RNF213: variants seen among roughly 807,000 people sequenced by gnomAD.
RNF213 encodes ring finger protein 213.
RNF213 carries 341 observed loss-of-function variants against 514.4 expected under a neutral mutation model. That is an observed-to-expected ratio of 0.66 (90% CI 0.61 to 0.73). The LOEUF (loss-of-function observed/expected upper bound fraction) is 0.73. RNF213 is among the 30% of genes least tolerant of loss of function. RNF213 has a pLI of 0.00. For missense variants in RNF213, 5,767 were observed against 6,615.6 expected (o/e 0.87, Z 4.45); for synonymous variants, 2,655 against 2,658.2 (o/e 1.00, Z 0.04).
chr17:80,356,950 A>T (rs2078850512), intron 36 of RNF213, among the ~76,000 whole-genome samples: 1 of 144,500 alleles, frequency 6.9e-6, no homozygotes, highest in South Asian at 2.1e-4. Flanking sequence ...ACAGAGTCTC[A>T]CTCTCGTCCC....
intron 56 of RNF213, 101 bp downstream of exon 56, chr17:80,381,088 T>A: frequency 8.4e-7 from 1 of 1,192,892 alleles, no homozygotes; most frequent in Middle Eastern, 1.9e-4. Context: ...CATCTATGCG[T>A]TTTGGAGATA....
chr17:80,327,485 A>AG (rs2046309950), intron 18 of RNF213, among the ~76,000 whole-genome samples: 1 of 152,182 alleles, frequency 6.6e-6, no homozygotes, highest in Non-Finnish European at 1.5e-5. Context: ...TGTCAAAAAA[A>AG]AAAAAAAAAG....
chr17:80,295,695 A>G lies in RNF213; in HGVS notation c.1894A>G (p.Lys632Glu), dbSNP rs752579947. ...CCTGATTGTCCTTTTTGTAGTGGAA[A>G]AAATTGAGCTTTTATTAGAAGGCAG... ...TGLIVLFVVE[K>E]IELLLEGSLD... The change falls in exon 10 of 68, where the codon AAA becomes GAA. Residue 632 changes from lysine to glutamate, a missense_variant. Lys to Glu is a moderately conservative substitution (Grantham distance 56). This residue lies in a region of RNF213 where 592 missense variants were observed against 673.9 expected (regional missense o/e 0.88). Transcript: ENST00000582970. 1 of 1,614,220 alleles carries G rather than the reference A, an allele frequency of 6.2e-7. No individual in the cohort carries two copies. Among genetic ancestry groups the G allele is most frequent in the African/African-American group, 1.3e-5 (1 of 75,066 alleles).
At chr17:80,387,399 C>T (rs2080281063) in intron 63 of RNF213, among the ~76,000 whole-genome samples, 1 of 152,232 alleles carries the variant, frequency 6.6e-6, no homozygotes, top group African/African-American at 2.4e-5. Context: ...AGCCACTGCA[C>T]CCAGCTGATT....
In RNF213 at chr17:80,347,067, T is replaced by C; in HGVS notation, c.8732T>C (p.Ile2911Thr). The C allele has an allele frequency of 1.2e-6, 2 of 1,613,838 alleles. No homozygotes were observed. Among genetic ancestry groups the C allele is most frequent in the African/African-American group, 1.3e-5 (1 of 74,954 alleles). Residue 2911 changes from isoleucine (I) to threonine (T), a missense_variant, in exon 29 of 68, where the codon ATA (isoleucine) becomes ACA (threonine). By Grantham distance (89) the Ile-to-Thr change is moderately conservative. Coordinates refer to ENST00000582970, the MANE Select transcript of RNF213 (RefSeq NM_001256071.3). The surrounding 1 kb of genome is among the most constrained non-coding windows in gnomAD (Gnocchi z 7.2). ...GGCAGCCCCAACGAGACAGAGCTCATAGAGAGCGCCAAGGGCATCTGCTCC... is the reference window on the plus strand; with the variant it reads ...GGCAGCCCCAACGAGACAGAGCTCACAGAGAGCGCCAAGGGCATCTGCTCC... ...SRGSPNETEL[I>T]ESAKGICSSD...
intron 67 of RNF213, among the ~76,000 whole-genome samples, chr17:80,391,822 G>A (rs1599227008): frequency 7.8e-6 from 1 of 128,748 alleles, no homozygotes; most frequent in Admixed American, 9.3e-5. Flanking sequence ...CCAGGCTAGA[G>A]TGCAATGGTG....
At chr17:80,354,265 T>C (rs977305941) in intron 35 of RNF213, 99 bp downstream of exon 35, 2 of 1,515,962 alleles carry the variant, frequency 1.3e-6, no homozygotes, top group Non-Finnish European at 1.8e-6. Context: ...CCTCTCAGGT[T>C]TCCATGGCTC....
intron 41 of RNF213, 97 bp downstream of exon 41, chr17:80,363,887 C>T (rs571603715): frequency 1.6e-6 from 2 of 1,221,366 alleles, no homozygotes; most frequent in Non-Finnish European, 1.2e-6. Flanking sequence ...CGGGCAGGTG[C>T]TCCTGCCATG....
chr17:80,313,068 A>G lies in RNF213; in HGVS notation c.2712A>G (p.Gln904=). Residue 904 remains glutamine (Q), a synonymous_variant, in exon 15 of 68, where the codon CAA becomes CAG. Coordinates refer to ENST00000582970, the MANE Select transcript of RNF213 (RefSeq NM_001256071.3). ...TGNNSVQTVF[Q]GTLAATKRWL... Reference sequence around the variant, plus strand: ...ATAATTCAGTCCAAACAGTCTTCCAAGGGACCCTTGCTGCTACGAAAAGGT... The same window carrying G: ...ATAATTCAGTCCAAACAGTCTTCCAGGGGACCCTTGCTGCTACGAAAAGGT... 6 of 1,614,116 alleles carry G rather than the reference A, an allele frequency of 3.7e-6. No individual in the cohort carries two copies. Among genetic ancestry groups the G allele is most frequent in the South Asian group, 3.3e-5 (3 of 91,090 alleles).
intron 25 of RNF213, 74 bp from the exon 26 acceptor site, chr17:80,339,127 G>A (rs1166494967): frequency 6.2e-6 from 8 of 1,285,774 alleles, no homozygotes; most frequent in Non-Finnish European, 8.3e-6. Flanking sequence ...CGGTAGGCCT[G>A]TGTGCTGTTG....
intron 8 of RNF213, among the ~76,000 whole-genome samples, chr17:80,293,178 C>T (rs2044800862): frequency 6.6e-6 from 1 of 152,072 alleles, no homozygotes; most frequent in African/African-American, 2.4e-5. Context: ...CCCCTCAGCC[C>T]CCCCAAGTAG....
At position 80,344,045 on chromosome 17, in the gene RNF213, G is replaced by A. The variant is rs183821880; in HGVS notation, c.6342+30G>A. 1.6e-5 allele frequency: 25 copies of A among 1,605,742 alleles called. 1 individual carries two copies. In the Admixed American group the frequency reaches 1.9e-4, roughly 12 times the overall value. On this transcript the variant is annotated intron_variant, in intron 28 of 67. Transcript: ENST00000582970. ...GTACTGTGGGGCGTTTTCGCCTGGC[G>A]TGGGGGGCTCTTGGGTTCTTTCTGG...
chr17:80,325,009 C>T (rs772816999), intron 17 of RNF213, 21 bp from the exon 18 acceptor site: 26 of 1,535,210 alleles, frequency 1.7e-5, no homozygotes, highest in Non-Finnish European at 1.8e-5. Flanking sequence ...AAATGTCCCT[C>T]TTTTATTAAT....
At chr17:80,364,741 C>A (rs189043763) in intron 42 of RNF213, 188 bp downstream of exon 42, 11 of 661,816 alleles carry the variant, frequency 1.7e-5, no homozygotes, top group Non-Finnish European at 2.6e-5. Flanking sequence ...TAATTATTTA[C>A]CCTCTGCTGA....
At chr17:80,358,255 C>A in intron 36 of RNF213, 33 bp from the exon 37 acceptor site, 1 of 1,605,294 alleles carries the variant, frequency 6.2e-7, no homozygotes, top group Non-Finnish European at 8.5e-7. Flanking sequence ...GTTCCTCTGA[C>A]CCGTGGTGGC....
At position 80,393,372 on chromosome 17, in the gene RNF213, GCAAACTAAAGAAAGTGAAATTCTT is replaced by G. The variant is rs760562491; in HGVS notation, c.15500_15523del (p.Gln5167_Leu5174del). 6.2e-7 allele frequency: 1 copy of G among 1,614,112 alleles called. No individual in the cohort carries two copies. The highest frequency in any genetic ancestry group is 8.5e-7 in the Non-Finnish European group (1 of 1,180,024). On this transcript the variant is annotated inframe_deletion, in exon 68 of 68. Transcript: ENST00000582970. Reference sequence around the variant, plus strand: ...TGAGAGACACTCTCGTAAGTTACATGCAAACTAAAGAAAGTGAAATTCTTCCTGAAATGGCATCTCAGTTCCCAG... The same window carrying G: ...TGAGAGACACTCTCGTAAGTTACATGCCTGAAATGGCATCTCAGTTCCCAG...
At chr17:80,389,775 G>A (rs2080388446) in intron 65 of RNF213, 53 bp from the exon 66 acceptor site, 3 of 1,468,950 alleles carry the variant, frequency 2.0e-6, no homozygotes, top group Non-Finnish European at 2.9e-6. Flanking sequence ...TGCACGACAT[G>A]AGTGGGGGTG....
intron 17 of RNF213, chr17:80,319,553 T>C: frequency 6.2e-7 from 1 of 1,609,228 alleles, no homozygotes; most frequent in East Asian, 2.2e-5. Context: ...CCATATGGAA[T>C]CACGGCCGTG....
rs149230960 is a variant in RNF213, at chr17:80,375,772, C to T, written c.13087C>T (p.Pro4363Ser). 6.1e-5 allele frequency: 98 copies of T among 1,613,668 alleles called. No individual in the cohort carries two copies. The highest frequency in any genetic ancestry group is 3.3e-4 in the Middle Eastern group (2 of 6,084). Residue 4363 changes from proline to serine, a missense_variant, in exon 51 of 68, where the codon CCC becomes TCC. Around this residue, in one of 13 missense-constraint regions of RNF213, gnomAD observed 1,245 missense variants for 1,339.0 expected, o/e 0.93. Coordinates refer to ENST00000582970, the MANE Select transcript of RNF213 (RefSeq NM_001256071.3). ...IKTALKACKT[P>S]QSQQSAYFLL... ...CTTGATTTTGCAGGCCTGCAAGACC[C>T]CCCAAAGCCAGCAGTCAGCCTACTT...
Sources: allele counts gnomAD v4.1 joint callset (sites outside exome capture counted in the v4.1 genomes callset), GRCh38; gene constraint gnomAD v4.1.1; regional missense constraint gnomAD v4.1.1; non-coding constraint Gnocchi (gnomAD v3.1); transcripts MANE v1.5; gene names NCBI Gene and HGNC (gene_info 2026-07-23, HGNC 2026-07-21).